Variants in PRRG4 observed in about 807,000 individuals in gnomAD.
PRRG4 encodes transmembrane gamma-carboxyglutamic acid protein 4.
In PRRG4, 12 loss-of-function variants were observed where a neutral mutation model predicts 20.0. The ratio of observed to expected loss-of-function variants is 0.60; its 90% confidence interval spans 0.38 to 0.97. The LOEUF is 0.97. Among genes scored for constraint, PRRG4 ranks in the 50% least tolerant of loss-of-function variants. The pLI is 0.00. For missense variants in PRRG4, 199 were observed against 265.1 expected (o/e 0.75, Z 1.73); for synonymous variants, 94 against 96.4 (o/e 0.98, Z 0.15).
chr11:32,830,009 T>A lies in PRRG4; in HGVS notation c.-187T>A. On this transcript the variant is annotated 5_prime_UTR_variant, in exon 1 of 6. Coordinates refer to ENST00000257836, the MANE Select transcript of PRRG4 (RefSeq NM_024081.6). ...GCGCCCCTCTGCGAACCCCAGGCCC[T>A]TCCCAGGTTTGCGCGCGGGGGCCAT... 1 of 985,720 alleles carries A rather than the reference T, an allele frequency of 1.0e-6. No homozygotes were observed. Among genetic ancestry groups the A allele is most frequent in the Non-Finnish European group, 1.2e-6 (1 of 830,178 alleles). The allele number at this position is 985,720 out of a possible 1,614,324, so 61.1% of individuals were successfully genotyped here.
chr11:32,855,981 C>T lies in PRRG4; in HGVS notation c.*2454C>T, dbSNP rs747626924. 3.9e-5 allele frequency: 6 copies of T among 152,122 alleles called. No homozygotes were observed. Among genetic ancestry groups the T allele is most frequent in the Non-Finnish European group, 5.9e-5 (4 of 68,026 alleles). 9.4% of individuals were successfully genotyped at this position (152,122 alleles called of 1,614,324 possible). ...TGTCATGCCTATAAAATTACACTGC[C>T]TCGAATTATGAAATTCAGGGATCTT... On this transcript the variant is annotated 3_prime_UTR_variant, in exon 6 of 6. Transcript: ENST00000257836.
In PRRG4 at chr11:32,830,128, G is replaced by A. The variant is rs1281839931; in HGVS notation, c.-68G>A. The A allele has an allele frequency of 2.0e-6, 2 of 999,264 alleles. No homozygotes were observed. Among genetic ancestry groups the A allele is most frequent in the Non-Finnish European group, 2.4e-6 (2 of 839,710 alleles). 61.9% of individuals were successfully genotyped at this position (999,264 alleles called of 1,614,324 possible). ...GCGGCCGAAGGAACCGCCCCAAGAA[G>A]AGCCTCTGGCCCGGGGGCTGCTGGA... On this transcript the variant is annotated 5_prime_UTR_variant, in exon 1 of 6. Coordinates refer to ENST00000257836, the MANE Select transcript of PRRG4 (RefSeq NM_024081.6).
chr11:32,851,449 G>A (rs1268134516), intron 5 of PRRG4, among the ~76,000 whole-genome samples: 1 of 152,170 alleles, frequency 6.6e-6, no homozygotes, highest in Non-Finnish European at 1.5e-5. Flanking sequence ...TCTGACAGAG[G>A]AGGAATTGTG....
At chr11:32,850,005 C>T (rs1851167529) in intron 5 of PRRG4, among the ~76,000 whole-genome samples, 1 of 152,240 alleles carries the variant, frequency 6.6e-6, no homozygotes, top group African/African-American at 2.4e-5. Flanking sequence ...GGACTTTTCA[C>T]TAAGATTTTA....
chr11:32,836,701 C>G lies in PRRG4; in HGVS notation c.147C>G (p.Arg49=), dbSNP rs1851022617. ...AAGCAAACTTTTTCATACATAGACG[C>G]CTTCTGTATAATAGATTTGATCTGG... is the stretch of plus-strand genomic sequence containing the variant. ...KEEANFFIHR[R]LLYNRFDLEL... The change falls in exon 3 of 6, where the codon CGC becomes CGG. Residue 49 remains arginine, a synonymous_variant. Transcript: ENST00000257836. 2 of 1,606,526 alleles carry G rather than the reference C, an allele frequency of 1.2e-6. No homozygotes were observed. The highest frequency in any genetic ancestry group is 4.5e-5 in the East Asian group (2 of 44,764).
At chr11:32,844,608 C>T (rs1851111024) in intron 5 of PRRG4, among the ~76,000 whole-genome samples, 1 of 151,940 alleles carries the variant, frequency 6.6e-6, no homozygotes, top group African/African-American at 2.4e-5. Flanking sequence ...TCAAGCGATT[C>T]TCCTGCCTCA....
At chr11:32,847,506 C>T (rs981514141) in intron 5 of PRRG4, among the ~76,000 whole-genome samples, 5 of 152,174 alleles carry the variant, frequency 3.3e-5, no homozygotes, top group African/African-American at 7.2e-5. Context: ...CAAGTATTGG[C>T]GAGGATATGG....
At position 32,855,045 on chromosome 11, in the gene PRRG4, ATAGT is replaced by A. The variant is rs1207150271; in HGVS notation, c.*1520_*1523del. On this transcript the variant is annotated 3_prime_UTR_variant, in exon 6 of 6. Transcript: ENST00000257836. ...TGAAATTTGTTAAACTTCATAAGTAATAGTTTGAGAATGTGGAAAAAGTAATTTG... is the reference window on the plus strand; with the variant it reads ...TGAAATTTGTTAAACTTCATAAGTAATTGAGAATGTGGAAAAAGTAATTTG... The A allele has an allele frequency of 5.3e-5, 8 of 152,344 alleles. No homozygotes were observed. The East Asian group carries it at 1.2e-3, about 22-fold the overall frequency. The allele number at this position is 152,344 out of a possible 1,614,324, so 9.4% of individuals were successfully genotyped here.
intron 5 of PRRG4, among the ~76,000 whole-genome samples, chr11:32,851,881 C>G (rs1223562260): frequency 6.6e-6 from 1 of 152,094 alleles, no homozygotes; most frequent in Non-Finnish European, 1.5e-5. Flanking sequence ...TATCCATCCC[C>G]TATGCATTTT....
rs761284 is a variant in PRRG4, at chr11:32,856,316, C to T, written c.*2789C>T. 0.77 allele frequency: 116,939 copies of T among 152,108 alleles called. 45,156 individuals are homozygous for T. The highest frequency in any genetic ancestry group is 0.99 in the East Asian group (5,145 of 5,182). The allele number at this position is 152,108 out of a possible 1,614,324, so 9.4% of individuals were successfully genotyped here. A position where few individuals can be genotyped will look rare whatever the true frequency, so the allele number is the denominator to read the frequency against. On this transcript the variant is annotated 3_prime_UTR_variant, in exon 6 of 6. Transcript: ENST00000257836. ...GCTATCATTTTGTGTAAAGCAGTTG[C>T]TCTAACTTGAATGAGTCTAGAATTC... is the stretch of plus-strand genomic sequence containing the variant.
chr11:32,839,687 AAGT>A (rs1554973859), intron 4 of PRRG4, among the ~76,000 whole-genome samples: 1,497 of 116,094 alleles, frequency 0.013, 30 homozygotes, highest in African/African-American at 0.045. Flanking sequence ...ATTAAAATAT[AAGT>A]ATTATATTTT....
chr11:32,837,553 T>C (rs748194204), intron 3 of PRRG4, among the ~76,000 whole-genome samples: 1 of 138,276 alleles, frequency 7.2e-6, no homozygotes, highest in African/African-American at 2.8e-5. Flanking sequence ...TTATTATTAT[T>C]ATTATTATTA....
At chr11:32,838,803 C>CTAGT in intron 3 of PRRG4, 79 bp from the exon 4 acceptor site, 1 of 1,025,952 alleles carries the variant, frequency 9.7e-7, no homozygotes, top group Non-Finnish European at 1.5e-6. Flanking sequence ...TTTACTACCC[C>CTAGT]TAGTCTAGGT....
rs1308885590 is a variant in PRRG4 at position 32,855,803 on chromosome 11, G to A, written c.*2276G>A. 1 of 152,148 alleles carries A rather than the reference G, an allele frequency of 6.6e-6. No individual in the cohort carries two copies. Among genetic ancestry groups the A allele is most frequent in the Non-Finnish European group, 1.5e-5 (1 of 68,016 alleles). 9.4% of individuals were successfully genotyped at this position (152,148 alleles called of 1,614,324 possible). A position where few individuals can be genotyped will look rare whatever the true frequency, so the allele number is the denominator to read the frequency against. ...TAAGCACTTTTGCTCATGTGACTTT[G>A]CACTTTGCACTTATTTTAATCCTCT... On this transcript the variant is annotated 3_prime_UTR_variant, in exon 6 of 6. Coordinates refer to ENST00000257836, the MANE Select transcript of PRRG4 (RefSeq NM_024081.6).
chr11:32,841,791 C>CAAG (rs1296117101), intron 5 of PRRG4, among the ~76,000 whole-genome samples: 15 of 151,920 alleles, frequency 9.9e-5, no homozygotes, highest in African/African-American at 3.6e-4. Context: ...GCCTGGACAA[C>CAAG]AACAACAACA....
At chr11:32,838,784 T>C in intron 3 of PRRG4, 98 bp from the exon 4 acceptor site, 1 of 820,922 alleles carries the variant, frequency 1.2e-6, no homozygotes, top group Non-Finnish European at 2.1e-6. Flanking sequence ...CTATGGTGCA[T>C]GCCAAGAGTT....
At chr11:32,845,256 A>T (rs763380778) in intron 5 of PRRG4, among the ~76,000 whole-genome samples, 2 of 152,164 alleles carry the variant, frequency 1.3e-5, no homozygotes, top group Non-Finnish European at 2.9e-5. Flanking sequence ...CACATAAAGG[A>T]GATTACATGG....
intron 5 of PRRG4, among the ~76,000 whole-genome samples, chr11:32,850,666 G>A (rs954265594): frequency 2.6e-5 from 4 of 152,138 alleles, no homozygotes; most frequent in Admixed American, 2.0e-4. Context: ...AGAGTTATTT[G>A]TTTCTATATT....
rs1851238338 is a variant in PRRG4 at position 32,857,741 on chromosome 11, T to A, written c.*4214T>A. On this transcript the variant is annotated 3_prime_UTR_variant, in exon 6 of 6. Coordinates refer to ENST00000257836, the MANE Select transcript of PRRG4 (RefSeq NM_024081.6). Reference sequence around the variant, plus strand: ...ATGTGAATTAAATTTTTATTAGTTATTTGATTTGGAATGTTATGTATGCCA... The same window carrying A: ...ATGTGAATTAAATTTTTATTAGTTAATTGATTTGGAATGTTATGTATGCCA... 6.6e-6 allele frequency: 1 copy of A among 152,220 alleles called. No homozygotes were observed. Among genetic ancestry groups the A allele is most frequent in the Non-Finnish European group, 1.5e-5 (1 of 68,032 alleles). The allele number at this position is 152,220 out of a possible 1,614,324, so 9.4% of individuals were successfully genotyped here.
Sources: gnomAD v4.1 joint callset for allele counts (sites outside exome capture counted in the v4.1 genomes callset) on GRCh38, gnomAD v4.1.1 for gene constraint, MANE v1.5 for transcripts, NCBI Gene and HGNC (gene_info 2026-07-23, HGNC 2026-07-21) for gene names.